CELF5: variants seen among roughly 807,000 people sequenced by gnomAD.
CELF5 encodes the protein CUG-BP and ETR-3 like factor 5.
A neutral mutation model predicts 54.9 loss-of-function variants in CELF5; 6 were observed. The ratio of observed to expected loss-of-function variants is 0.11; its 90% CI spans 0.06 to 0.22. The LOEUF (loss-of-function observed/expected upper bound fraction) is 0.22. Among genes scored for constraint, CELF5 ranks in the 10% least tolerant of loss-of-function variants. The pLI, the probability that CELF5 is intolerant of heterozygous loss-of-function variation, is 1.00. For missense variants in CELF5, 401 were observed against 678.6 expected, an observed-to-expected ratio of 0.59 and a Z score of 4.54; for synonymous variants, 271 against 290.9, an observed-to-expected ratio of 0.93 and a Z score of 0.70.
At chr19:3,247,316 T>A (rs1377782422) in intron 1 of CELF5, among the ~76,000 whole-genome samples, 1 of 151,908 alleles carries the variant, frequency 6.6e-6, no homozygotes, top group African/African-American at 2.4e-5. Context: ...TTAGTAGAGA[T>A]AGGGTTTCAC....
intron 1 of CELF5, among the ~76,000 whole-genome samples, chr19:3,235,772 AGATG>A (rs1397348156): frequency 1.7e-4 from 6 of 34,856 alleles, no homozygotes; most frequent in Middle Eastern, 0.024. Flanking sequence ...ATGGGTGGAT[AGATG>A]GATGGATGGA....
intron 11 of CELF5, among the ~76,000 whole-genome samples, chr19:3,292,470 G>A (rs1357711531): frequency 1.4e-5 from 2 of 146,706 alleles, no homozygotes; most frequent in Middle Eastern, 4.0e-3. Flanking sequence ...TTTTAGTAGA[G>A]ACGGGGTTTG....
At chr19:3,258,683 C>T (rs1383189338) in intron 2 of CELF5, among the ~76,000 whole-genome samples, 5 of 152,072 alleles carry the variant, frequency 3.3e-5, no homozygotes, top group Non-Finnish European at 7.4e-5. Context: ...GCAATCATAG[C>T]TTTTTACAGC....
intron 2 of CELF5, among the ~76,000 whole-genome samples, chr19:3,269,983 G>T (rs1226040423): frequency 6.6e-6 from 1 of 152,190 alleles, no homozygotes; most frequent in Non-Finnish European, 1.5e-5. Context: ...AAACGGGTCA[G>T]CAGATGTGGG....
Position 3,251,077 on chromosome 19 carries a change from G to C in CELF5, c.342+10G>C, listed in dbSNP as rs199913660. On this transcript the variant is annotated intron_variant, in intron 2 of 12. Coordinates refer to ENST00000292672, the MANE Select transcript of CELF5 (RefSeq NM_021938.4). ...GAAGACCTTGCCCGGAGTGAGTCCT[G>C]TGTGGTGTCTGGGGAGGAGGGGACA... The C allele has an allele frequency of 5.6e-4, 902 of 1,611,100 alleles. No homozygotes were observed. The highest frequency in any genetic ancestry group is 7.2e-4 in the Non-Finnish European group (852 of 1,177,416).
intron 1 of CELF5, among the ~76,000 whole-genome samples, chr19:3,225,276 C>T (rs1329502723): frequency 8.7e-6 from 1 of 114,814 alleles, no homozygotes; most frequent in Non-Finnish European, 1.8e-5. Flanking sequence ...CTCTCTCTCC[C>T]TCTCTCTCTC....
intron 1 of CELF5, 101 bp from the exon 2 acceptor site, chr19:3,250,884 G>GCCGTAGCAATAAAA: frequency 1.7e-6 from 1 of 583,602 alleles, no homozygotes; most frequent in Non-Finnish European, 3.0e-6. Context: ...TCTGTGGATG[G>GCCGTAGCAATAAAA]AAGCTTGGGT....
At chr19:3,236,671 T>C (rs903643614) in intron 1 of CELF5, among the ~76,000 whole-genome samples, 2 of 151,994 alleles carry the variant, frequency 1.3e-5, no homozygotes, top group African/African-American at 2.4e-5. Context: ...GAGCTAGGCA[T>C]GGCAGGGAGG....
In CELF5 at chr19:3,275,944, C is replaced by T. The variant is rs780824540; in HGVS notation, c.483C>T (p.Asp161=). The T allele has an allele frequency of 6.2e-7, 1 of 1,602,092 alleles. No homozygotes were observed. The highest frequency in any genetic ancestry group is 1.1e-5 in the South Asian group (1 of 90,854). The part of the protein sequence containing the change: ...LRLFQPFGVI[D]ECTVLRGPDG... ...TGTTCCAGCCCTTCGGGGTCATTGACGAGTGCACCGTGCTCCGGGGGCCTG... is the reference window on the plus strand; with the variant it reads ...TGTTCCAGCCCTTCGGGGTCATTGATGAGTGCACCGTGCTCCGGGGGCCTG... The change falls in exon 4 of 13, where the codon GAC becomes GAT. Residue 161 remains aspartate, a synonymous_variant. Coordinates refer to ENST00000292672, the MANE Select transcript of CELF5 (RefSeq NM_021938.4). This position sits in a 1 kb window ranked among gnomAD's most constrained non-coding sequence, Gnocchi z 6.7.
In CELF5 at chr19:3,275,210, G is replaced by A. The variant is rs1397966604; in HGVS notation, c.395-646G>A. 6.6e-6 allele frequency among the ~76,000 whole-genome samples: 1 copy of A among 152,206 alleles called. No individual in the cohort carries two copies. Among genetic ancestry groups the A allele is most frequent in the Non-Finnish European group, 1.5e-5 (1 of 68,036 alleles). On this transcript the variant is annotated intron_variant, in intron 3 of 12. Coordinates refer to ENST00000292672, the MANE Select transcript of CELF5 (RefSeq NM_021938.4). The surrounding 1 kb of genome is among the most constrained non-coding windows in gnomAD (Gnocchi z 6.7). Reference sequence around the variant, plus strand: ...AAGGGGGCAGAGCTCACACAGGAGAGGCTGGCCCAGCTCCGGCCTCAGACC... The same window carrying A: ...AAGGGGGCAGAGCTCACACAGGAGAAGCTGGCCCAGCTCCGGCCTCAGACC...
At position 3,284,945 on chromosome 19, in the gene CELF5, C is replaced by T. The variant is rs146258101; in HGVS notation, c.1083C>T (p.Ser361=). 4.3e-6 allele frequency: 7 copies of T among 1,612,296 alleles called. No individual in the cohort carries two copies. The highest frequency in any genetic ancestry group is 1.7e-5 in the Admixed American group (1 of 59,882). The change falls in exon 9 of 13, where the codon TCC becomes TCT. Residue 361 remains serine (S), a synonymous_variant. Transcript: ENST00000292672. Reference sequence around the variant, plus strand: ...CCGAGACACTGCATCCTGCCTTCTCCGGAGTCCAGCAGTACACAGGTAGGA... The same window carrying T: ...CCGAGACACTGCATCCTGCCTTCTCTGGAGTCCAGCAGTACACAGGTAGGA... ...TVAETLHPAF[S]GVQQYTAMYP...
In CELF5 at chr19:3,278,814, T is replaced by C. The variant is rs1469366864; in HGVS notation, c.603+704T>C. On this transcript the variant is annotated intron_variant, in intron 5 of 12. Transcript: ENST00000292672. The surrounding 1 kb of genome is among the most constrained non-coding windows in gnomAD (Gnocchi z 4.5). ...TTGTGAGTGGGTGAGTGTGTATGTGTGTACATGTAAGGGTATCCTAAGGGG... is the reference window on the plus strand; with the variant it reads ...TTGTGAGTGGGTGAGTGTGTATGTGCGTACATGTAAGGGTATCCTAAGGGG... Among the ~76,000 whole-genome samples the C allele has an allele frequency of 6.6e-6, 1 of 151,998 alleles. No homozygotes were observed.
Position 3,268,063 on chromosome 19 carries a change from A to G in CELF5, c.343-5809A>G, listed in dbSNP as rs1020555988. ...GCCCAGGCTGGAGTGCAGTGATTTG[A>G]TCTCAGCTCACTGCAACCTCGGCCT... is the stretch of plus-strand genomic sequence containing the variant. On this transcript the variant is annotated intron_variant, in intron 2 of 12. Coordinates refer to ENST00000292672, the MANE Select transcript of CELF5 (RefSeq NM_021938.4). This position sits in a 1 kb window ranked among gnomAD's most constrained non-coding sequence, Gnocchi z 4.4. 6.6e-6 allele frequency among the ~76,000 whole-genome samples: 1 copy of G among 151,938 alleles called. No homozygotes were observed.
intron 12 of CELF5, chr19:3,294,812 C>A (rs1447802564): frequency 1.3e-5 from 2 of 152,190 alleles, no homozygotes; most frequent in African/African-American, 4.8e-5. Context: ...AAATATCTGT[C>A]CCCAGCTGCC....
chr19:3,292,523 A>T (rs1038653558), intron 11 of CELF5, among the ~76,000 whole-genome samples: 4 of 151,948 alleles, frequency 2.6e-5, no homozygotes, highest in African/African-American at 9.7e-5. Flanking sequence ...ACCTCAGGTG[A>T]TCTGCCCGTC....
At chr19:3,253,814 T>TA (rs201819153) in intron 2 of CELF5, among the ~76,000 whole-genome samples, 1 of 143,880 alleles carries the variant, frequency 7.0e-6, no homozygotes, top group Non-Finnish European at 1.5e-5. Context: ...CATCAGGTCC[T>TA]GGGGGAAGCT....
At chr19:3,293,510 C>G in intron 12 of CELF5, 24 bp downstream of exon 12, 6 of 1,575,186 alleles carry the variant, frequency 3.8e-6, no homozygotes, top group Non-Finnish European at 4.3e-6. Flanking sequence ...CGGCCCCACC[C>G]CCGCCCAAGC....
At chr19:3,286,119 C>T in intron 10 of CELF5, 94 bp downstream of exon 10, 3 of 1,150,102 alleles carry the variant, frequency 2.6e-6, no homozygotes, top group Non-Finnish European at 3.5e-6. Flanking sequence ...CCTCTGGGAC[C>T]CGCGGGGCTG....
intron 12 of CELF5, 81 bp from the exon 13 acceptor site, chr19:3,296,677 G>A (rs1308011764): frequency 6.6e-6 from 1 of 152,214 alleles, no homozygotes; most frequent in Non-Finnish European, 1.5e-5. Context: ...GCTTGGGAGT[G>A]TGTGCCGGTG....
Sources: gnomAD v4.1 joint callset for allele counts (sites outside exome capture counted in the v4.1 genomes callset) on GRCh38, gnomAD v4.1.1 for gene constraint, Gnocchi (gnomAD v3.1) non-coding constraint, MANE v1.5 for transcripts, NCBI Gene and HGNC (gene_info 2026-07-23, HGNC 2026-07-21) for gene names.